Variants in NFIA observed in about 807,000 individuals in gnomAD.
NFIA encodes nuclear factor I A.
Under a neutral mutation model 62.8 loss-of-function variants are expected in NFIA, and 8 were observed. The ratio of observed to expected loss-of-function variants is 0.13; its 90% confidence interval spans 0.07 to 0.23. NFIA has a LOEUF of 0.23. Among genes scored for constraint, NFIA ranks in the 10% least tolerant of loss-of-function variants. The probability of loss-of-function intolerance (pLI) is 1.00; values close to 1 mark genes in which losing one functional copy is unlikely to be tolerated. For synonymous variants in NFIA, 235 were observed against 238.1 expected, an observed-to-expected ratio of 0.99 and a Z score of 0.12; for missense variants, 410 against 642.1, an observed-to-expected ratio of 0.64 and a Z score of 3.91.
At chr1:61,144,741 G>A (rs554650488) in intron 2 of NFIA, among the ~76,000 whole-genome samples, 38 of 152,294 alleles carry the variant, frequency 2.5e-4, no homozygotes, top group African/African-American at 8.4e-4. Flanking sequence ...TCTCTCTCCA[G>A]GATCCAGCAC....
intron 10 of NFIA, among the ~76,000 whole-genome samples, chr1:61,434,923 G>A (rs567006909): frequency 3.9e-5 from 6 of 152,176 alleles, no homozygotes; most frequent in Non-Finnish European, 8.8e-5. Context: ...GGAAAAGGGG[G>A]ACAGAAAATG....
intron 2 of NFIA, among the ~76,000 whole-genome samples, chr1:61,179,676 C>A (rs1650621399): frequency 6.6e-6 from 1 of 152,136 alleles, no homozygotes; most frequent in African/African-American, 2.4e-5. Flanking sequence ...TATCCTGACG[C>A]TTTGAAAGTC....
chr1:61,450,283 A>T (rs1418050518), intron 10 of NFIA, among the ~76,000 whole-genome samples: 1 of 152,264 alleles, frequency 6.6e-6, no homozygotes, highest in African/African-American at 2.4e-5. Context: ...TGAGAAACTC[A>T]GAGTCCACTG....
chr1:61,135,650 T>C (rs565894671), intron 2 of NFIA, among the ~76,000 whole-genome samples: 1 of 152,232 alleles, frequency 6.6e-6, no homozygotes, highest in Non-Finnish European at 1.5e-5. Context: ...CAAGCTGTCC[T>C]CCTGCCTCAG....
chr1:61,413,615 C>CTTTTTTTTTTTTTT (rs869258274), intron 9 of NFIA, among the ~76,000 whole-genome samples: 2 of 68,374 alleles, frequency 2.9e-5, no homozygotes, highest in Non-Finnish European at 5.1e-5. Flanking sequence ...AAGTATTTTG[C>CTTTTTTTTTTTTTT]TTTTTTTTTT....
chr1:61,094,815 G>A (rs957445753), intron 2 of NFIA, among the ~76,000 whole-genome samples: 11 of 152,138 alleles, frequency 7.2e-5, no homozygotes, highest in Admixed American at 1.3e-4. Flanking sequence ...ACTCCACAGC[G>A]TAAAGCATAT....
intron 3 of NFIA, among the ~76,000 whole-genome samples, chr1:61,292,156 A>T (rs762815000): frequency 6.6e-6 from 1 of 152,174 alleles, no homozygotes; most frequent in East Asian, 1.9e-4. Flanking sequence ...CGTTTTTCAA[A>T]GACGACTTAT....
At chr1:61,329,285 A>G (rs1466686000) in intron 3 of NFIA, among the ~76,000 whole-genome samples, 4 of 150,848 alleles carry the variant, frequency 2.7e-5, no homozygotes, top group Non-Finnish European at 5.9e-5. Context: ...TGACCTTGTG[A>G]TCTGCCCACC....
intron 4 of NFIA, among the ~76,000 whole-genome samples, chr1:61,340,897 T>C (rs1661863460): frequency 6.6e-6 from 1 of 152,068 alleles, no homozygotes. Context: ...AGATTCTTTT[T>C]CCTCAAATTT....
intron 2 of NFIA, among the ~76,000 whole-genome samples, chr1:61,138,425 C>T (rs1647259696): frequency 2.0e-5 from 3 of 152,008 alleles, no homozygotes; most frequent in African/African-American, 7.3e-5. Flanking sequence ...GTGGTTTTAC[C>T]CCACCACCCT....
chr1:61,428,007 TGA>T (rs1484502331), intron 10 of NFIA, among the ~76,000 whole-genome samples: 1 of 152,170 alleles, frequency 6.6e-6, no homozygotes. Context: ...CCAAGTTCAA[TGA>T]GAGGGGGAAA....
At chr1:61,270,851 C>CG (rs1386133636) in intron 2 of NFIA, among the ~76,000 whole-genome samples, 1 of 152,100 alleles carries the variant, frequency 6.6e-6, no homozygotes, top group Non-Finnish European at 1.5e-5. Context: ...CAGCAGGCAC[C>CG]GCTGTGAACA....
upstream of NFIA, chr1:61,081,917 T>C: frequency 1.3e-6 from 2 of 1,548,712 alleles, no homozygotes; most frequent in Non-Finnish European, 1.7e-6. Context: ...ACCTAGGAGG[T>C]CTGATTTTTC....
chr1:61,415,503 A>G (rs941354447), intron 9 of NFIA, among the ~76,000 whole-genome samples: 3 of 152,182 alleles, frequency 2.0e-5, no homozygotes, highest in South Asian at 2.1e-4. Flanking sequence ...CAACAATCCA[A>G]TAGAAAGACA....
At chr1:61,156,658 C>G (rs1648839348) in intron 2 of NFIA, among the ~76,000 whole-genome samples, 1 of 152,156 alleles carries the variant, frequency 6.6e-6, no homozygotes, top group South Asian at 2.1e-4. Flanking sequence ...CGAAAGAGAC[C>G]TTTTGACTGG....
intron 2 of NFIA, among the ~76,000 whole-genome samples, chr1:61,205,215 AG>A (rs1394807565): frequency 1.3e-5 from 2 of 152,206 alleles, no homozygotes; most frequent in African/African-American, 4.8e-5. Context: ...TTTTGAACCG[AG>A]GTTGTCTTAA....
chr1:61,276,654 A>AACT (rs1398159905), intron 2 of NFIA, among the ~76,000 whole-genome samples: 1 of 152,076 alleles, frequency 6.6e-6, no homozygotes, highest in Non-Finnish European at 1.5e-5. Flanking sequence ...TCTCCCCAAA[A>AACT]ACTGTACCAT....
intron 3 of NFIA, among the ~76,000 whole-genome samples, chr1:61,286,730 A>T (rs1368010846): frequency 6.6e-6 from 1 of 152,244 alleles, no homozygotes; most frequent in African/African-American, 2.4e-5. Context: ...GCCAAGTGGC[A>T]TCAAACATTA....
At chr1:61,393,290 T>TCTCTCTCTCTCTCC (rs1343271825) in intron 7 of NFIA, among the ~76,000 whole-genome samples, 2 of 63,590 alleles carry the variant, frequency 3.1e-5, no homozygotes, top group Non-Finnish European at 5.1e-5. Flanking sequence ...TCTCTCTCTC[T>TCTCTCTCTCTCTCC]CCCTCTTTCT....
Sources: allele counts gnomAD v4.1 joint callset (sites outside exome capture counted in the v4.1 genomes callset), GRCh38; gene constraint gnomAD v4.1.1; transcripts MANE v1.5; gene names NCBI Gene and HGNC (gene_info 2026-07-23, HGNC 2026-07-21).